The following MYO3A variants were observed in gnomAD, a reference collection of about 807,000 sequenced individuals.
MYO3A encodes the protein myosin-IIIa.
A neutral mutation model predicts 192.7 loss-of-function variants in MYO3A; 180 were observed. The ratio of observed to expected loss-of-function variants is 0.93; its 90% CI spans 0.83 to 1.06. The LOEUF is 1.06. Among genes scored for constraint, MYO3A ranks in the 50% least tolerant of loss-of-function variants. The pLI, the probability that MYO3A is intolerant of heterozygous loss-of-function variation, is 0.00. For missense variants in MYO3A, 1,896 were observed against 1,905.0 expected (o/e 1.00, Z 0.09); for synonymous variants, 628 against 645.3 (o/e 0.97, Z 0.41).
intron 14 of MYO3A, among the ~76,000 whole-genome samples, chr10:26,073,738 A>C (rs920908819): frequency 5.3e-5 from 8 of 152,222 alleles, no homozygotes; most frequent in African/African-American, 1.7e-4. Flanking sequence ...AACACTGCAT[A>C]CTGTGTGATT....
intron 4 of MYO3A, among the ~76,000 whole-genome samples, chr10:25,982,923 C>G (rs180702662): frequency 6.6e-6 from 1 of 152,098 alleles, no homozygotes; most frequent in Admixed American, 6.5e-5. Flanking sequence ...AGCACACGAG[C>G]AATGAACCCA....
chr10:25,969,586 A>G (rs1321704076), intron 4 of MYO3A, among the ~76,000 whole-genome samples: 1 of 152,232 alleles, frequency 6.6e-6, no homozygotes, highest in Non-Finnish European at 1.5e-5. Context: ...AAGTATAGCT[A>G]ATAAGCTAGT....
rs181839221 is a variant in MYO3A, at chr10:26,186,958, T to A, written c.4439-6247T>A. On this transcript the variant is annotated intron_variant, in intron 31 of 34. Coordinates refer to ENST00000642920, the MANE Select transcript of MYO3A (RefSeq NM_017433.5). ...TTCACACCCCTAGATTGTTCATGAA[T>A]TATCCCAGATTTTCTTCCAAGAGCT... Among the ~76,000 whole-genome samples, 3 of 152,336 alleles carry A rather than the reference T, an allele frequency of 2.0e-5. No homozygotes were observed. In the East Asian group the frequency reaches 5.8e-4, roughly 29 times the overall value.
chr10:26,156,398 T>C (rs1041697129), intron 25 of MYO3A, among the ~76,000 whole-genome samples: 4 of 152,246 alleles, frequency 2.6e-5, no homozygotes, highest in African/African-American at 9.6e-5. Context: ...GTCTTTGAGA[T>C]ACTCGCTTTC....
At position 26,016,803 on chromosome 10, in the gene MYO3A, C is replaced by T; in HGVS notation, c.509-17C>T. Reference sequence around the variant, plus strand: ...GAGTAATTAATGCAAAAAAGTACATCTTGTCTCTTCCTCTAGGTGTGTCTG... The same window carrying T: ...GAGTAATTAATGCAAAAAAGTACATTTTGTCTCTTCCTCTAGGTGTGTCTG... On this transcript the variant is annotated splice_polypyrimidine_tract_variant and intron_variant, in intron 6 of 34. Coordinates refer to ENST00000642920, the MANE Select transcript of MYO3A (RefSeq NM_017433.5). 6.2e-7 allele frequency: 1 copy of T among 1,612,898 alleles called. No individual in the cohort carries two copies. Among genetic ancestry groups the T allele is most frequent in the East Asian group, 2.2e-5 (1 of 44,866 alleles).
chr10:26,166,567 A>C (rs1841764601), intron 27 of MYO3A, among the ~76,000 whole-genome samples: 1 of 152,244 alleles, frequency 6.6e-6, no homozygotes, highest in Non-Finnish European at 1.5e-5. Flanking sequence ...AAATTTAAAA[A>C]AAGAAATGCA....
At chr10:25,994,359 T>C (rs1840277094) in intron 4 of MYO3A, among the ~76,000 whole-genome samples, 1 of 152,226 alleles carries the variant, frequency 6.6e-6, no homozygotes, top group Non-Finnish European at 1.5e-5. Context: ...TGTTTTCCAT[T>C]TGCTTGGTAG....
intron 17 of MYO3A, among the ~76,000 whole-genome samples, chr10:26,111,547 A>G (rs887062064): frequency 4.0e-5 from 6 of 151,796 alleles, no homozygotes; most frequent in Non-Finnish European, 8.8e-5. Context: ...CCACTGCATC[A>G]TTTCTCCTCC....
At chr10:26,107,301 G>A (rs535238310) in intron 17 of MYO3A, among the ~76,000 whole-genome samples, 6 of 152,100 alleles carry the variant, frequency 3.9e-5, no homozygotes, top group East Asian at 1.9e-4. Context: ...CTAACACAGT[G>A]AAACCCCGTC....
rs1250159607 is a variant in MYO3A, at chr10:26,170,540, G to A, written c.3398+1G>A. ...ACAAGAAAAACTTTGAAAATACAAG[G>A]TATAATGATGTTCATTCTTATACCG... On this transcript the variant is annotated splice_donor_variant, in intron 29 of 34. Coordinates refer to ENST00000642920, the MANE Select transcript of MYO3A (RefSeq NM_017433.5). LOFTEE classifies it high-confidence loss of function. 10 of 1,608,384 alleles carry A rather than the reference G, an allele frequency of 6.2e-6. No homozygotes were observed. Among genetic ancestry groups the A allele is most frequent in the Non-Finnish European group, 8.5e-6 (10 of 1,176,964 alleles).
intron 10 of MYO3A, among the ~76,000 whole-genome samples, chr10:26,049,339 C>T (rs74126360): frequency 0.011 from 1,728 of 152,078 alleles, 31 homozygotes; most frequent in African/African-American, 0.039. Flanking sequence ...AGGTGAGAGA[C>T]AAGGTGAGGA....
At chr10:26,149,721 A>G (rs1432689147) in intron 23 of MYO3A, among the ~76,000 whole-genome samples, 5 of 152,210 alleles carry the variant, frequency 3.3e-5, no homozygotes, top group Non-Finnish European at 4.4e-5. Flanking sequence ...GCTAATTAAC[A>G]TATACATTAC....
intron 4 of MYO3A, among the ~76,000 whole-genome samples, chr10:25,984,372 C>T (rs944798531): frequency 1.3e-5 from 2 of 152,120 alleles, no homozygotes; most frequent in East Asian, 3.8e-4. Context: ...AGAAGACTCA[C>T]CTAACACATA....
chr10:26,005,114 C>T (rs552614028), intron 6 of MYO3A, among the ~76,000 whole-genome samples: 1 of 152,206 alleles, frequency 6.6e-6, no homozygotes, highest in African/African-American at 2.4e-5. Context: ...AGAAGACTGG[C>T]AGACACAACC....
At chr10:25,949,303 G>A (rs528217581) in intron 2 of MYO3A, among the ~76,000 whole-genome samples, 1 of 152,212 alleles carries the variant, frequency 6.6e-6, no homozygotes, top group South Asian at 2.1e-4. Flanking sequence ...ACTCCTGAGA[G>A]TTAATATATC....
chr10:25,990,737 T>A (rs1839970533), intron 4 of MYO3A, among the ~76,000 whole-genome samples: 1 of 148,826 alleles, frequency 6.7e-6, no homozygotes, highest in Middle Eastern at 3.4e-3. Context: ...GTTCAATTCT[T>A]ACCTGTGAGT....
Position 26,027,206 on chromosome 10 carries a change from C to T in MYO3A, c.953+674C>T, listed in dbSNP as rs115259533. Among the ~76,000 whole-genome samples, 231 of 152,170 alleles carry T rather than the reference C, an allele frequency of 1.5e-3. 1 individual carries two copies. Among genetic ancestry groups the T allele is most frequent in the African/African-American group, 5.3e-3 (218 of 41,522 alleles). On this transcript the variant is annotated intron_variant, in intron 10 of 34. Coordinates refer to ENST00000642920, the MANE Select transcript of MYO3A (RefSeq NM_017433.5). ...ATTTAAAGATCATTTTAAATATCTTCGTACATCCTATTGGGATTTTAAATA... is the reference window on the plus strand; with the variant it reads ...ATTTAAAGATCATTTTAAATATCTTTGTACATCCTATTGGGATTTTAAATA...
chr10:26,116,896 G>A (rs1838540300), intron 17 of MYO3A, among the ~76,000 whole-genome samples: 1 of 152,138 alleles, frequency 6.6e-6, no homozygotes, highest in African/African-American at 2.4e-5. Flanking sequence ...CAAATGTCCT[G>A]TGAGGGCAGA....
At chr10:26,152,010 C>T (rs1190203222) in intron 23 of MYO3A, among the ~76,000 whole-genome samples, 4 of 152,194 alleles carry the variant, frequency 2.6e-5, no homozygotes, top group African/African-American at 9.7e-5. Flanking sequence ...TAACAATTGC[C>T]ATCCCTTTTC....
Sources: allele counts gnomAD v4.1 joint callset (sites outside exome capture counted in the v4.1 genomes callset), GRCh38; gene constraint gnomAD v4.1.1; transcripts MANE v1.5; gene names NCBI Gene and HGNC (gene_info 2026-07-23, HGNC 2026-07-21).